EYS: variants seen among roughly 807,000 people sequenced by gnomAD.
EYS encodes EGF-like photoreceptor maintenance factor, also known as protein eyes shut homolog.
Under a neutral mutation model 282.1 loss-of-function variants are expected in EYS, and 250 were observed. The observed-to-expected ratio is 0.89, with a 90% CI of 0.80 to 0.98. The LOEUF is 0.98. Ranked by LOEUF, EYS falls within the 50% of genes least tolerant of loss-of-function variation. The pLI is 0.00. For synonymous variants in EYS, 1,355 were observed against 1,282.9 expected, an observed-to-expected ratio of 1.06 and a Z score of -1.20; for missense variants, 4,016 against 3,709.0, an observed-to-expected ratio of 1.08 and a Z score of -2.15.
chr6:63,945,928 T>G (rs1475558509), intron 35 of EYS, among the ~76,000 whole-genome samples: 4 of 152,258 alleles, frequency 2.6e-5, no homozygotes, highest in Non-Finnish European at 5.9e-5. Context: ...TGCCCTTTCC[T>G]TATTCCTTTT....
chr6:65,076,677 A>AAT (rs960859498), intron 12 of EYS, among the ~76,000 whole-genome samples: 5 of 141,278 alleles, frequency 3.5e-5, no homozygotes, highest in African/African-American at 1.3e-4. Flanking sequence ...TATACACATA[A>AAT]ATATATACAC....
intron 35 of EYS, among the ~76,000 whole-genome samples, chr6:63,925,114 T>C (rs767007443): frequency 1.3e-5 from 2 of 152,178 alleles, no homozygotes; most frequent in Non-Finnish European, 2.9e-5. Context: ...TTCTGTAAAA[T>C]GAAACTACCA....
intron 12 of EYS, among the ~76,000 whole-genome samples, chr6:65,171,141 G>A (rs1047261167): frequency 4.6e-5 from 7 of 151,500 alleles, no homozygotes; most frequent in Non-Finnish European, 1.5e-5. Flanking sequence ...ATAGTTATAG[G>A]CAGCTTTAGG....
intron 34 of EYS, among the ~76,000 whole-genome samples, chr6:63,992,117 A>T (rs754250508): frequency 1.3e-4 from 20 of 151,860 alleles, no homozygotes; most frequent in Non-Finnish European, 1.9e-4. Context: ...TTGAAATAGA[A>T]GAATACTAGA....
intron 14 of EYS, among the ~76,000 whole-genome samples, chr6:64,948,950 A>C (rs2150098177): frequency 6.6e-6 from 1 of 152,066 alleles, no homozygotes; most frequent in South Asian, 2.1e-4. Flanking sequence ...GTCAAGTTTG[A>C]TAGTTGTAAA....
intron 22 of EYS, among the ~76,000 whole-genome samples, chr6:64,679,034 C>A (rs12176582): frequency 0.015 from 2,265 of 151,346 alleles, 49 homozygotes; most frequent in East Asian, 0.11. Context: ...ATATGTTATA[C>A]ACTTACATAA....
intron 12 of EYS, among the ~76,000 whole-genome samples, chr6:65,267,932 G>A (rs962885012): frequency 6.6e-6 from 1 of 151,464 alleles, no homozygotes; most frequent in African/African-American, 2.4e-5. Flanking sequence ...GAAAATGTGT[G>A]TCTCACTATC....
intron 36 of EYS, among the ~76,000 whole-genome samples, chr6:63,840,011 C>A (rs1268690572): frequency 6.9e-6 from 1 of 143,978 alleles, no homozygotes; most frequent in African/African-American, 2.5e-5. Flanking sequence ...TGTATATCTT[C>A]TTTTGAGAGA....
At chr6:64,928,251 T>G (rs1768582487) in intron 15 of EYS, among the ~76,000 whole-genome samples, 1 of 152,062 alleles carries the variant, frequency 6.6e-6, no homozygotes, top group Admixed American at 6.6e-5. Context: ...GGACCTTAAT[T>G]ATATCATTTT....
chr6:63,862,422 TAA>T (rs200129282), intron 36 of EYS, among the ~76,000 whole-genome samples: 14 of 149,802 alleles, frequency 9.3e-5, no homozygotes, highest in African/African-American at 3.4e-4. Context: ...AATCTTTTTT[TAA>T]AAAAAAAAAT....
chr6:65,652,339 T>C (rs1048393745), intron 1 of EYS, among the ~76,000 whole-genome samples: 6 of 151,988 alleles, frequency 3.9e-5, no homozygotes, highest in Admixed American at 2.0e-4. Flanking sequence ...TTTTGAAAAG[T>C]AGAAGAAACG....
At chr6:65,122,703 GA>G (rs1300020277) in intron 12 of EYS, among the ~76,000 whole-genome samples, 9 of 151,834 alleles carry the variant, frequency 5.9e-5, no homozygotes, top group Non-Finnish European at 1.3e-4. Flanking sequence ...TAAAAAGTGA[GA>G]AAAAATATAA....
chr6:64,676,351 T>TATATAGAGAG (rs1554192088), intron 22 of EYS, among the ~76,000 whole-genome samples: 12 of 145,462 alleles, frequency 8.2e-5, no homozygotes, highest in Non-Finnish European at 1.2e-4. Context: ...TATATATATA[T>TATATAGAGAG]AGAGAGAGAG....
intron 19 of EYS, among the ~76,000 whole-genome samples, chr6:64,829,913 C>A (rs1001111847): frequency 6.6e-6 from 1 of 151,898 alleles, no homozygotes; most frequent in East Asian, 1.9e-4. Context: ...GACCCTTGCG[C>A]TAGAGAATAC....
chr6:64,987,394 C>T (rs1770896239), intron 14 of EYS, among the ~76,000 whole-genome samples: 1 of 151,604 alleles, frequency 6.6e-6, no homozygotes, highest in Non-Finnish European at 1.5e-5. Context: ...AACACAGAGT[C>T]TCAACCTCAC....
intron 16 of EYS, among the ~76,000 whole-genome samples, chr6:64,908,364 A>AT (rs1213689270): frequency 2.6e-5 from 4 of 151,960 alleles, no homozygotes; most frequent in African/African-American, 9.7e-5. Flanking sequence ...CCCAGAGGGG[A>AT]TTTTACAGTG....
intron 30 of EYS, among the ~76,000 whole-genome samples, chr6:64,279,429 C>T (rs1019247610): frequency 6.6e-6 from 1 of 152,210 alleles, no homozygotes; most frequent in Admixed American, 6.5e-5. Flanking sequence ...GGAATAAAGG[C>T]CATGACCACA....
chr6:64,798,272 T>C (rs965874813), intron 22 of EYS, among the ~76,000 whole-genome samples: 1 of 151,914 alleles, frequency 6.6e-6, no homozygotes, highest in African/African-American at 2.4e-5. Context: ...GTTCCTTATC[T>C]TCTTTTTCAT....
At chr6:65,664,324 TG>T (rs1768127835) in intron 1 of EYS, among the ~76,000 whole-genome samples, 1 of 152,066 alleles carries the variant, frequency 6.6e-6, no homozygotes, top group Non-Finnish European at 1.5e-5. Context: ...GAGATGAATG[TG>T]GGTCATTAGG....
Sources: gnomAD v4.1 joint callset for allele counts (sites outside exome capture counted in the v4.1 genomes callset) on GRCh38, gnomAD v4.1.1 for gene constraint, MANE v1.5 for transcripts, NCBI Gene and HGNC (gene_info 2026-07-23, HGNC 2026-07-21) for gene names.